Variants in DLG1 observed in about 807,000 individuals in gnomAD.
DLG1 encodes the protein disks large homolog 1.
Under a neutral mutation model 123.4 loss-of-function variants are expected in DLG1, and 42 were observed. The ratio of observed to expected loss-of-function variants is 0.34; its 90% CI spans 0.27 to 0.44. The LOEUF is 0.44. DLG1 is among the 20% of genes least tolerant of loss of function. The pLI, the probability that DLG1 is intolerant of heterozygous loss-of-function variation, is 1.00. For missense variants in DLG1, 942 were observed against 1,082.6 expected (o/e 0.87, Z 1.82); for synonymous variants, 317 against 356.2 (o/e 0.89, Z 1.24).
In DLG1 at chr3:197,194,234, T is replaced by C. The variant is rs1364327612; in HGVS notation, c.483+191A>G. The C allele has an allele frequency of 2.3e-5, 8 of 350,822 alleles. No homozygotes were observed. In the South Asian group the frequency reaches 7.9e-4, roughly 35 times the overall value. 21.7% of individuals were successfully genotyped at this position (350,822 alleles called of 1,614,324 possible). On this transcript the variant is annotated intron_variant, in intron 5 of 24. Coordinates refer to ENST00000667157, the MANE Select transcript of DLG1 (RefSeq NM_001366207.1). ...AGCATCACTGACTAACATTCATTTA[T>C]AAAATACATATTTAAAAATGTTTTC...
At chr3:197,100,023 G>T (rs569639478) in intron 14 of DLG1, among the ~76,000 whole-genome samples, 2 of 152,288 alleles carry the variant, frequency 1.3e-5, no homozygotes, top group Admixed American at 1.3e-4. Flanking sequence ...CAGCACGTGC[G>T]TAAGTGGACA....
chr3:197,081,608 G>C (rs1751174781), intron 16 of DLG1, among the ~76,000 whole-genome samples: 1 of 152,070 alleles, frequency 6.6e-6, no homozygotes, highest in African/African-American at 2.4e-5. Context: ...TTAACAAAAA[G>C]GTGGAATATT....
intron 11 of DLG1, 121 bp downstream of exon 11, chr3:197,130,402 CTTAA>C (rs535775148): frequency 2.9e-4 from 252 of 864,848 alleles, no homozygotes; most frequent in Admixed American, 2.2e-3. Flanking sequence ...GATTAACATG[CTTAA>C]TTGTTTCTTT....
chr3:197,270,004 TTACCA>T, intron 4 of DLG1, among the ~76,000 whole-genome samples: 1 of 152,322 alleles, frequency 6.6e-6, no homozygotes, highest in South Asian at 2.1e-4. Flanking sequence ...AAATTTTATT[TTACCA>T]GTTCTGGGGC....
chr3:197,201,160 G>A (rs553474948), intron 4 of DLG1, among the ~76,000 whole-genome samples: 31 of 152,308 alleles, frequency 2.0e-4, no homozygotes, highest in Admixed American at 1.8e-3. Flanking sequence ...GAGGCGGGAG[G>A]ATCACGAGGT....
intron 5 of DLG1, among the ~76,000 whole-genome samples, chr3:197,186,856 C>A (rs944119755): frequency 6.6e-6 from 1 of 152,064 alleles, no homozygotes; most frequent in African/African-American, 2.4e-5. Context: ...GAGGTTACCA[C>A]CATGCCCAGT....
At chr3:197,065,562 T>A (rs1408027447) in intron 21 of DLG1, 114 bp from the exon 22 acceptor site, 1 of 1,076,508 alleles carries the variant, frequency 9.3e-7, no homozygotes, top group Non-Finnish European at 1.3e-6. Context: ...AATTTAAATC[T>A]GAGAAAGGAC....
chr3:197,256,129 T>C (rs1234258125), intron 4 of DLG1, among the ~76,000 whole-genome samples: 1 of 152,246 alleles, frequency 6.6e-6, no homozygotes, highest in Non-Finnish European at 1.5e-5. Context: ...CCTATAAAAA[T>C]CTGTTTAAAA....
At chr3:197,045,545 A>C (rs1363698883) in intron 24 of DLG1, among the ~76,000 whole-genome samples, 1 of 151,442 alleles carries the variant, frequency 6.6e-6, no homozygotes, top group Non-Finnish European at 1.5e-5. Context: ...GTTTGAGATC[A>C]GCCTGGGGAA....
intron 10 of DLG1, 44 bp from the exon 11 acceptor site, chr3:197,130,715 C>G (rs778862209): frequency 1.4e-5 from 20 of 1,447,046 alleles, no homozygotes; most frequent in Admixed American, 2.1e-5. Context: ...TTCACTTGTT[C>G]TCTGAGTTTT....
At chr3:197,125,639 A>G (rs912524714) in intron 11 of DLG1, among the ~76,000 whole-genome samples, 16 of 152,234 alleles carry the variant, frequency 1.1e-4, no homozygotes, top group African/African-American at 3.6e-4. Context: ...ATGAAAGTTA[A>G]TAATTATAGA....
chr3:197,058,482 T>C (rs1733438671), intron 23 of DLG1, among the ~76,000 whole-genome samples: 1 of 152,270 alleles, frequency 6.6e-6, no homozygotes, highest in African/African-American at 2.4e-5. Context: ...ATTTCTTCTT[T>C]GACTCACTCA....
chr3:197,298,493 G>A, intron 1 of DLG1, 43 bp downstream of exon 1: 1 of 398,508 alleles, frequency 2.5e-6, no homozygotes, highest in Admixed American at 4.4e-5. Flanking sequence ...GCTGTCTGAA[G>A]AGAGGCGTGA....
intron 4 of DLG1, among the ~76,000 whole-genome samples, chr3:197,254,106 G>A (rs559744114): frequency 6.6e-6 from 1 of 152,290 alleles, no homozygotes; most frequent in Admixed American, 6.5e-5. Flanking sequence ...AAGGAGTGGA[G>A]CCTTTAATGA....
Position 197,138,228 on chromosome 3 carries a change from G to A in DLG1, c.877C>T (p.Pro293Ser), listed in dbSNP as rs554805815. The change falls in exon 9 of 25, where the codon CCT becomes TCT. Residue 293 changes from proline to serine, a missense_variant. Physicochemically the swap from Pro to Ser is moderately conservative, Grantham distance 74 (BLOSUM62 -1). Transcript: ENST00000667157. ...KIMEIKLIKG[P>S]KGLGFSIAGG... ...AGTTTGACTTACCACATACCTTTAG[G>A]ACCTTTAATGAGCTTTATTTCCATT... is the stretch of plus-strand genomic sequence containing the variant. 4 of 1,552,824 alleles carry A rather than the reference G, an allele frequency of 2.6e-6. No homozygotes were observed. In the African/African-American group the frequency reaches 5.4e-5, roughly 21 times the overall value.
rs780479244 is a variant in DLG1, at chr3:197,148,411, G to GAAA, written c.537+1329_537+1331dup. 1.4e-3 allele frequency among the ~76,000 whole-genome samples: 59 copies of GAAA among 42,806 alleles called. 1 individual carries two copies. Among genetic ancestry groups the GAAA allele is most frequent in the South Asian group, 2.6e-3 (3 of 1,152 alleles). The allele number at this position is 42,806 out of a possible 152,430, so 28.1% of individuals were successfully genotyped here. A position where few individuals can be genotyped will look rare whatever the true frequency, so the allele number is the denominator to read the frequency against. On this transcript the variant is annotated intron_variant, in intron 6 of 24. Transcript: ENST00000667157. ...GGGTGACAGAGTGAAACTGTCTCAA[G>GAAA]AAAAAAAAAAAAAAAAAAAAAGAGA...
intron 5 of DLG1, among the ~76,000 whole-genome samples, chr3:197,185,052 C>A (rs1715005185): frequency 6.6e-6 from 1 of 152,138 alleles, no homozygotes; most frequent in Non-Finnish European, 1.5e-5. Context: ...CAAGCAAGCC[C>A]TCTTAACACT....
intron 3 of DLG1, among the ~76,000 whole-genome samples, chr3:197,284,002 A>G (rs1229360023): frequency 6.6e-6 from 1 of 151,672 alleles, no homozygotes; most frequent in Admixed American, 6.6e-5. Flanking sequence ...CTGGGACTTC[A>G]GGCACGTGCC....
At chr3:197,064,861 C>G (rs1738499009) in intron 22 of DLG1, among the ~76,000 whole-genome samples, 1 of 151,528 alleles carries the variant, frequency 6.6e-6, no homozygotes. Flanking sequence ...GGCTGGAGTT[C>G]AGTGGCATGC....
Sources: gnomAD v4.1 joint callset for allele counts (sites outside exome capture counted in the v4.1 genomes callset) on GRCh38, gnomAD v4.1.1 for gene constraint, MANE v1.5 for transcripts, NCBI Gene and HGNC (gene_info 2026-07-23, HGNC 2026-07-21) for gene names.